ARHGAP20: variants seen among roughly 807,000 people sequenced by gnomAD.
The protein encoded by ARHGAP20 is Rho GTPase activating protein 20.
A neutral mutation model predicts 73.7 loss-of-function variants in ARHGAP20; 34 were observed. That is an observed-to-expected ratio of 0.46 (90% confidence interval 0.35 to 0.61). The LOEUF (loss-of-function observed/expected upper bound fraction) is 0.61. ARHGAP20 is among the 20% of genes least tolerant of loss of function. ARHGAP20 has a pLI of 0.00. For missense variants in ARHGAP20, 1,314 were observed against 1,420.9 expected, an observed-to-expected ratio of 0.92 and a Z score of 1.21; for synonymous variants, 523 against 518.2, an observed-to-expected ratio of 1.01 and a Z score of -0.13.
intron 2 of ARHGAP20, among the ~76,000 whole-genome samples, chr11:110,644,469 T>C (rs776362181): frequency 6.6e-6 from 1 of 151,688 alleles, no homozygotes; most frequent in Non-Finnish European, 1.5e-5. Context: ...CAGAGACCAA[T>C]GGAACAGAAT....
intron 1 of ARHGAP20, among the ~76,000 whole-genome samples, chr11:110,699,966 T>C (rs1025173078): frequency 3.9e-5 from 6 of 152,018 alleles, no homozygotes; most frequent in Non-Finnish European, 8.8e-5. Context: ...AAAAAAACTT[T>C]TGTTGTTTTA....
chr11:110,592,416 G>A (rs1947852118), intron 9 of ARHGAP20, among the ~76,000 whole-genome samples: 1 of 152,122 alleles, frequency 6.6e-6, no homozygotes, highest in Admixed American at 6.6e-5. Context: ...CTGTTTACTT[G>A]AATTTTGGCA....
Position 110,605,010 on chromosome 11 carries a change from G to A in ARHGAP20, c.964+1551C>T, listed in dbSNP as rs561664675. 1.7e-3 allele frequency among the ~76,000 whole-genome samples: 262 copies of A among 152,294 alleles called. 6 individuals carry two copies. The South Asian group carries it at 0.032, about 18-fold the overall frequency. Reference sequence around the variant, plus strand: ...GGTTGGTCATTAATGATACCAAGTAGTCTTGATGCTATATGATTTCTTCCA... The same window carrying A: ...GGTTGGTCATTAATGATACCAAGTAATCTTGATGCTATATGATTTCTTCCA... On this transcript the variant is annotated intron_variant, in intron 9 of 14. Transcript: ENST00000683387.
chr11:110,632,446 C>G (rs1948879026), intron 2 of ARHGAP20, among the ~76,000 whole-genome samples: 2 of 151,984 alleles, frequency 1.3e-5, no homozygotes, highest in African/African-American at 4.8e-5. Context: ...GCTCTGTCAC[C>G]CAGGCCGAAG....
At chr11:110,613,716 T>C (rs574242228) in intron 6 of ARHGAP20, among the ~76,000 whole-genome samples, 1 of 152,202 alleles carries the variant, frequency 6.6e-6, no homozygotes, top group African/African-American at 2.4e-5. Flanking sequence ...CTATAAAAAT[T>C]TGAGTATTTC....
chr11:110,639,841 T>C (rs1267893049), intron 2 of ARHGAP20, among the ~76,000 whole-genome samples: 1 of 152,082 alleles, frequency 6.6e-6, no homozygotes, highest in African/African-American at 2.4e-5. Flanking sequence ...CATTAACTGA[T>C]GGACATTTGG....
chr11:110,689,418 C>T (rs778141426), intron 2 of ARHGAP20, among the ~76,000 whole-genome samples: 7 of 151,676 alleles, frequency 4.6e-5, no homozygotes, highest in East Asian at 1.9e-4. Flanking sequence ...AAAACTCTTA[C>T]GAGTTAAAAT....
chr11:110,602,013 A>T (rs1948123139), intron 9 of ARHGAP20, among the ~76,000 whole-genome samples: 1 of 152,190 alleles, frequency 6.6e-6, no homozygotes, highest in East Asian at 1.9e-4. Context: ...ACTGTCTAGA[A>T]TAGTTTTACT....
At chr11:110,642,807 C>A (rs978509437) in intron 2 of ARHGAP20, among the ~76,000 whole-genome samples, 1 of 151,950 alleles carries the variant, frequency 6.6e-6, no homozygotes, top group South Asian at 2.1e-4. Flanking sequence ...TGTAGAATGA[C>A]TTAGGGAGTC....
chr11:110,623,898 A>G (rs1948680932), intron 4 of ARHGAP20, among the ~76,000 whole-genome samples: 1 of 152,220 alleles, frequency 6.6e-6, no homozygotes, highest in Non-Finnish European at 1.5e-5. Flanking sequence ...AAACCAAGGT[A>G]CATAATCCCA....
chr11:110,580,405 C>T lies in ARHGAP20; in HGVS notation c.2541G>A (p.Glu847=). The change falls in exon 15 of 15, where the codon GAG becomes GAA. Residue 847 remains glutamate (E), a synonymous_variant. Coordinates refer to ENST00000683387, the MANE Select transcript of ARHGAP20 (RefSeq NM_001384657.1). ...TGCGGTTCTGGTCTTCTATGTTGGG[C>T]TCTGAGCAGCGCCGATGTGTCCTTG... ...KGPRTHRRCS[E]PNIEDQNRKL... The T allele has an allele frequency of 7.4e-6, 12 of 1,614,238 alleles. No homozygotes were observed. The highest frequency in any genetic ancestry group is 2.2e-5 in the East Asian group (1 of 44,882).
At chr11:110,641,428 T>C (rs1289267383) in intron 2 of ARHGAP20, among the ~76,000 whole-genome samples, 1 of 151,998 alleles carries the variant, frequency 6.6e-6, no homozygotes, top group East Asian at 1.9e-4. Flanking sequence ...TGATAAAACA[T>C]TATCAAGAAG....
chr11:110,577,559 G>A lies in ARHGAP20; in HGVS notation c.*1811C>T, dbSNP rs1388454965. The A allele has an allele frequency of 1.0e-6, 1 of 989,856 alleles. No homozygotes were observed. 61.3% of individuals were successfully genotyped at this position (989,856 alleles called of 1,614,324 possible). Reference sequence around the variant, plus strand: ...CATCTTGCAGTTCTGACTGACAGTAGTATGCCCTAAGGGAAAGGGGAGTCC... The same window carrying A: ...CATCTTGCAGTTCTGACTGACAGTAATATGCCCTAAGGGAAAGGGGAGTCC... On this transcript the variant is annotated 3_prime_UTR_variant, in exon 15 of 15. Coordinates refer to ENST00000683387, the MANE Select transcript of ARHGAP20 (RefSeq NM_001384657.1).
intron 2 of ARHGAP20, among the ~76,000 whole-genome samples, chr11:110,642,225 A>C (rs1949092356): frequency 6.6e-6 from 1 of 152,104 alleles, no homozygotes. Flanking sequence ...AGAGAATCAT[A>C]TCGTCGGTGA....
At chr11:110,694,514 T>A (rs1235232188) in intron 1 of ARHGAP20, among the ~76,000 whole-genome samples, 5 of 151,770 alleles carry the variant, frequency 3.3e-5, no homozygotes, top group Admixed American at 6.6e-5. Context: ...ATTTGTTTTT[T>A]ATCTTTTACA....
Position 110,580,588 on chromosome 11 carries a change from T to G in ARHGAP20, c.2358A>C (p.Glu786Asp). The G allele has an allele frequency of 6.2e-7, 1 of 1,614,226 alleles. No homozygotes were observed. Among genetic ancestry groups the G allele is most frequent in the Non-Finnish European group, 8.5e-7 (1 of 1,180,038 alleles). ...TAGGGAAAAGTTTCACGTGATTTCCTTCACTACCAGACAAGCTTTTCTTCT... is the reference window on the plus strand; with the variant it reads ...TAGGGAAAAGTTTCACGTGATTTCCGTCACTACCAGACAAGCTTTTCTTCT... ...NTKKKSLSGS[E>D]GNHVKLFPKS... The change falls in exon 15 of 15, where the codon GAA becomes GAC. Residue 786 changes from glutamate (E) to aspartate (D), a missense_variant. By Grantham distance (45) the Glu-to-Asp change is conservative (BLOSUM62 2). Transcript: ENST00000683387.
chr11:110,638,767 G>A (rs777555640), intron 2 of ARHGAP20, among the ~76,000 whole-genome samples: 6 of 151,820 alleles, frequency 4.0e-5, no homozygotes, highest in Admixed American at 1.3e-4. Context: ...ACCAAACACC[G>A]CATGTTCTCA....
At chr11:110,711,878 T>C (rs1950667174) in intron 1 of ARHGAP20, 1 of 1,311,120 alleles carries the variant, frequency 7.6e-7, no homozygotes, top group East Asian at 3.1e-5. Flanking sequence ...GGAGGGAGGC[T>C]GCGAGGTCGC....
intron 2 of ARHGAP20, among the ~76,000 whole-genome samples, chr11:110,650,601 C>T (rs1013616052): frequency 1.3e-5 from 2 of 152,058 alleles, no homozygotes; most frequent in African/African-American, 2.4e-5. Flanking sequence ...ATCCACACCA[C>T]TCTATTGCTG....
Sources: allele counts gnomAD v4.1 joint callset (sites outside exome capture counted in the v4.1 genomes callset), GRCh38; gene constraint gnomAD v4.1.1; transcripts MANE v1.5; gene names NCBI Gene and HGNC (gene_info 2026-07-23, HGNC 2026-07-21).